Variants in CDKAL1 observed in about 807,000 individuals in gnomAD.
CDKAL1 encodes the protein threonylcarbamoyladenosine tRNA methylthiotransferase.
Under a neutral mutation model 68.2 loss-of-function variants are expected in CDKAL1, and 32 were observed. The ratio of observed to expected loss-of-function variants is 0.47; its 90% CI spans 0.35 to 0.63. The LOEUF is 0.63. Ranked by LOEUF, CDKAL1 falls within the 30% of genes least tolerant of loss-of-function variation. CDKAL1 has a pLI of 0.00. For missense variants in CDKAL1, 606 were observed against 696.7 expected, an observed-to-expected ratio of 0.87 and a Z score of 1.47; for synonymous variants, 234 against 244.3, an observed-to-expected ratio of 0.96 and a Z score of 0.39.
chr6:20,812,432 T>C lies in CDKAL1; in HGVS notation c.638+31167T>C, dbSNP rs556861915. ...GTCAGTAGTCTTTCTAGAGCGTTAT[T>C]TGAAGAGTCCGACTTACGTATACGT... On this transcript the variant is annotated intron_variant, in intron 8 of 15. Coordinates refer to ENST00000274695, the MANE Select transcript of CDKAL1 (RefSeq NM_017774.3). Among the ~76,000 whole-genome samples the C allele has an allele frequency of 1.1e-4, 16 of 152,326 alleles. No homozygotes were observed. In the East Asian group the frequency reaches 2.9e-3, roughly 28 times the overall value.
At chr6:20,662,043 C>G (rs911809169) in intron 5 of CDKAL1, among the ~76,000 whole-genome samples, 1 of 152,082 alleles carries the variant, frequency 6.6e-6, no homozygotes, top group Non-Finnish European at 1.5e-5. Flanking sequence ...GTTTGAAAGA[C>G]ATTCTACTTA....
Position 20,663,599 on chromosome 6 carries a change from C to T in CDKAL1, c.371+14222C>T, listed in dbSNP as rs183412314. Among the ~76,000 whole-genome samples, 540 of 152,112 alleles carry T rather than the reference C, an allele frequency of 3.6e-3. 4 individuals carry two copies. Among genetic ancestry groups the T allele is most frequent in the African/African-American group, 0.012 (494 of 41,504 alleles). ...GTTCATGGCTTAGTTGTTGGACACA[C>T]GTATTTTTTAAAAAATGGGACTTAC... On this transcript the variant is annotated intron_variant, in intron 5 of 15. Transcript: ENST00000274695.
At chr6:21,165,552 G>A (rs948352248) in intron 13 of CDKAL1, among the ~76,000 whole-genome samples, 1 of 152,140 alleles carries the variant, frequency 6.6e-6, no homozygotes, top group Non-Finnish European at 1.5e-5. Flanking sequence ...AGGAAATATT[G>A]AAGTTAAATG....
chr6:20,693,129 C>CAAAAAAA (rs70990059), intron 5 of CDKAL1, among the ~76,000 whole-genome samples: 5 of 67,620 alleles, frequency 7.4e-5, no homozygotes, highest in African/African-American at 2.8e-4. Flanking sequence ...GACTCTGTCT[C>CAAAAAAA]AAAAAAAAAA....
intron 8 of CDKAL1, among the ~76,000 whole-genome samples, chr6:20,814,814 C>A (rs1022240794): frequency 6.6e-6 from 1 of 152,156 alleles, no homozygotes; most frequent in Non-Finnish European, 1.5e-5. Context: ...TTCTATCATT[C>A]TCCAGAGTTC....
At chr6:21,125,006 A>C (rs751409809) in intron 13 of CDKAL1, among the ~76,000 whole-genome samples, 1 of 151,830 alleles carries the variant, frequency 6.6e-6, no homozygotes, top group Non-Finnish European at 1.5e-5. Context: ...GTGTCTACTC[A>C]TAAGTTGTTT....
At chr6:20,610,809 G>A (rs1207840881) in intron 4 of CDKAL1, among the ~76,000 whole-genome samples, 1 of 152,150 alleles carries the variant, frequency 6.6e-6, no homozygotes, top group Non-Finnish European at 1.5e-5. Context: ...TAAATTCTCT[G>A]TGCTCTTGCA....
intron 9 of CDKAL1, among the ~76,000 whole-genome samples, chr6:20,860,756 G>A (rs1759571768): frequency 6.6e-6 from 1 of 151,922 alleles, no homozygotes; most frequent in South Asian, 2.1e-4. Flanking sequence ...CCCAGGAGGT[G>A]GAGGTTGCAG....
intron 9 of CDKAL1, among the ~76,000 whole-genome samples, chr6:20,921,851 G>A (rs764647802): frequency 1.2e-4 from 19 of 152,120 alleles, no homozygotes; most frequent in South Asian, 8.3e-4. Flanking sequence ...CCCTCCCTCC[G>A]TAGTTTCTCA....
At chr6:21,126,402 G>GT (rs1775014924) in intron 13 of CDKAL1, among the ~76,000 whole-genome samples, 1 of 152,214 alleles carries the variant, frequency 6.6e-6, no homozygotes, top group South Asian at 2.1e-4. Context: ...TATACACAAT[G>GT]TGTGTGTTGT....
At chr6:20,899,168 G>C (rs1305472896) in intron 9 of CDKAL1, among the ~76,000 whole-genome samples, 1 of 150,140 alleles carries the variant, frequency 6.7e-6, no homozygotes, top group Non-Finnish European at 1.5e-5. Flanking sequence ...GGGTTCAAGT[G>C]AGTCTCCTGC....
chr6:20,676,442 C>T (rs954335687), intron 5 of CDKAL1, among the ~76,000 whole-genome samples: 27 of 151,896 alleles, frequency 1.8e-4, no homozygotes, highest in East Asian at 3.9e-4. Flanking sequence ...CCGATGCGTG[C>T]GGGTCATGAG....
chr6:20,996,365 C>G (rs1313707061), intron 10 of CDKAL1, among the ~76,000 whole-genome samples: 1 of 152,218 alleles, frequency 6.6e-6, no homozygotes, highest in Non-Finnish European at 1.5e-5. Context: ...CAGCTTTTGA[C>G]ATACCTTCCC....
intron 10 of CDKAL1, among the ~76,000 whole-genome samples, chr6:20,996,791 C>A (rs1280072056): frequency 6.6e-6 from 1 of 152,130 alleles, no homozygotes; most frequent in Non-Finnish European, 1.5e-5. Context: ...TTGCCACAAA[C>A]CTTCAATTTG....
At chr6:21,075,243 C>A (rs1320576393) in intron 12 of CDKAL1, among the ~76,000 whole-genome samples, 1 of 121,282 alleles carries the variant, frequency 8.2e-6, no homozygotes, top group African/African-American at 3.2e-5. Flanking sequence ...AAAAAATGTT[C>A]TTCCCCTGTA....
chr6:21,015,962 AAG>A (rs1491523622), intron 11 of CDKAL1, among the ~76,000 whole-genome samples: 1 of 151,660 alleles, frequency 6.6e-6, no homozygotes, highest in Non-Finnish European at 1.5e-5. Flanking sequence ...AAAAAAAAAA[AAG>A]AAAGAATCAT....
intron 11 of CDKAL1, among the ~76,000 whole-genome samples, chr6:21,010,745 A>G (rs1310621843): frequency 6.6e-6 from 1 of 152,188 alleles, no homozygotes; most frequent in Non-Finnish European, 1.5e-5. Context: ...AAGACTGGGT[A>G]ATATAACCAA....
intron 9 of CDKAL1, among the ~76,000 whole-genome samples, chr6:20,910,589 C>T (rs1300497196): frequency 6.6e-6 from 1 of 152,144 alleles, no homozygotes; most frequent in Non-Finnish European, 1.5e-5. Context: ...GCAGGTGTTA[C>T]CTCAGACCCC....
intron 9 of CDKAL1, among the ~76,000 whole-genome samples, chr6:20,861,025 C>G (rs1451704033): frequency 6.7e-6 from 1 of 149,596 alleles, no homozygotes; most frequent in Admixed American, 6.7e-5. Flanking sequence ...TAAGAACTTT[C>G]CCTAAATACC....
Sources: allele counts gnomAD v4.1 joint callset (sites outside exome capture counted in the v4.1 genomes callset), GRCh38; gene constraint gnomAD v4.1.1; transcripts MANE v1.5; gene names NCBI Gene and HGNC (gene_info 2026-07-23, HGNC 2026-07-21).